The following SLC7A9 variants were observed in gnomAD, a reference collection of about 807,000 sequenced individuals.
SLC7A9 encodes solute carrier family 7 member 9, also known as B(0,+)-type amino acid transporter 1.
SLC7A9 carries 38 observed loss-of-function variants against 54.1 expected under a neutral mutation model. The ratio of observed to expected loss-of-function variants is 0.70; its 90% CI spans 0.54 to 0.92. SLC7A9 has a LOEUF of 0.92. Among genes scored for constraint, SLC7A9 ranks in the 40% least tolerant of loss-of-function variants. The pLI is 0.00. For missense variants in SLC7A9, 537 were observed against 636.1 expected (o/e 0.84, Z 1.68); for synonymous variants, 264 against 258.9 (o/e 1.02, Z -0.19).
intron 9 of SLC7A9, among the ~76,000 whole-genome samples, chr19:32,846,352 G>A (rs1031675069): frequency 6.6e-6 from 1 of 152,094 alleles, no homozygotes; most frequent in African/African-American, 2.4e-5. Context: ...CTTAAAAAAC[G>A]GTGCACCAGG....
Position 32,854,657 on chromosome 19 carries a change from C to T in SLC7A9, c.977+3783G>A, listed in dbSNP as rs141948595. ...AGGCTGGAGTGCACTGGTGCGATCT[C>T]GGCTCACTGCAACCTCTGCTTCCCG... On this transcript the variant is annotated intron_variant, in intron 9 of 12. Transcript: ENST00000023064. Among the ~76,000 whole-genome samples, 369 of 152,184 alleles carry T rather than the reference C, an allele frequency of 2.4e-3. 2 individuals are homozygous for T. The highest frequency in any genetic ancestry group is 8.6e-3 in the African/African-American group (358 of 41,512).
rs534928656 is a variant in SLC7A9 at position 32,864,435 on chromosome 19, G to A, written c.236-97C>T. ...CACCGGAGGCTGCGCTCGTATGGAG[G>A]GGCCCACCGTGGTCCGCCCTCGCTG... On this transcript the variant is annotated intron_variant, in intron 3 of 12. Transcript: ENST00000023064. 67 of 1,576,260 alleles carry A rather than the reference G, an allele frequency of 4.3e-5. No homozygotes were observed. The Admixed American group carries it at 5.8e-4, about 14-fold the overall frequency.
intron 9 of SLC7A9, among the ~76,000 whole-genome samples, chr19:32,847,544 C>A (rs1381264234): frequency 2.0e-5 from 3 of 152,036 alleles, no homozygotes; most frequent in African/African-American, 7.2e-5. Flanking sequence ...TGTGAAAAGA[C>A]CAAATCTACG....
intron 1 of SLC7A9, among the ~76,000 whole-genome samples, chr19:32,869,398 A>G (rs1041198420): frequency 1.3e-5 from 2 of 152,054 alleles, no homozygotes; most frequent in East Asian, 3.8e-4. Flanking sequence ...AATTTTTACA[A>G]TATTTTTTAT....
At chr19:32,847,548 A>G (rs1380113156) in intron 9 of SLC7A9, among the ~76,000 whole-genome samples, 2 of 152,188 alleles carry the variant, frequency 1.3e-5, no homozygotes, top group African/African-American at 4.8e-5. Flanking sequence ...AAAAGACCAA[A>G]TCTACGTCTG....
chr19:32,832,929 G>A (rs1967847972), intron 12 of SLC7A9: 1 of 565,970 alleles, frequency 1.8e-6, no homozygotes, highest in Non-Finnish European at 3.2e-6. Flanking sequence ...AGAAAATGGT[G>A]CTTTCCCTTC....
chr19:32,865,619 C>T (rs936480105), intron 2 of SLC7A9, among the ~76,000 whole-genome samples: 22 of 152,142 alleles, frequency 1.4e-4, no homozygotes, highest in Non-Finnish European at 3.2e-4. Flanking sequence ...GAAAGGGGCA[C>T]GAGGGAGCTT....
intron 2 of SLC7A9, among the ~76,000 whole-genome samples, chr19:32,868,230 C>CAAAAA (rs57317909): frequency 4.5e-5 from 4 of 88,476 alleles, no homozygotes; most frequent in Non-Finnish European, 9.3e-5. Context: ...CACTCCATCT[C>CAAAAA]AAAAAAAAAA....
chr19:32,859,493 A>G (rs1009710336), intron 8 of SLC7A9, among the ~76,000 whole-genome samples: 1 of 152,056 alleles, frequency 6.6e-6, no homozygotes, highest in African/African-American at 2.4e-5. Flanking sequence ...ACTGACCCCA[A>G]TGCCTCTCAC....
rs766067754 is a variant in SLC7A9, at chr19:32,833,341, G to C, written c.1225-18C>G. The stretch of plus-strand genomic sequence containing the variant: ...ACGGGCACCTGGAGACGAAAAACAG[G>C]TCATGGGTACCCATTTTCTTTTTGA... On this transcript the variant is annotated intron_variant, in intron 11 of 12. Transcript: ENST00000023064. The C allele has an allele frequency of 4.3e-6, 7 of 1,613,532 alleles. No individual in the cohort carries two copies. The highest frequency in any genetic ancestry group is 5.9e-6 in the Non-Finnish European group (7 of 1,179,650).
chr19:32,860,808 T>G (rs886079401), intron 6 of SLC7A9, among the ~76,000 whole-genome samples, 158 bp from the exon 7 acceptor site: 3 of 152,212 alleles, frequency 2.0e-5, no homozygotes, highest in African/African-American at 7.2e-5. Flanking sequence ...TGAATGGCCC[T>G]GCTAGTGGTG....
intron 8 of SLC7A9, among the ~76,000 whole-genome samples, chr19:32,858,858 G>T (rs62124985): frequency 1.3e-5 from 2 of 151,170 alleles, no homozygotes; most frequent in African/African-American, 4.9e-5. Flanking sequence ...TTGCTGTCTC[G>T]GCTCACTGCA....
intron 9 of SLC7A9, among the ~76,000 whole-genome samples, chr19:32,846,475 C>T (rs998931877): frequency 5.3e-5 from 8 of 152,206 alleles, no homozygotes; most frequent in Non-Finnish European, 8.8e-5. Context: ...GGGGGAGGGG[C>T]GCCTGCCATT....
intron 3 of SLC7A9, 32 bp downstream of exon 3, chr19:32,864,597 C>T (rs770669747): frequency 3.0e-5 from 49 of 1,610,520 alleles, no homozygotes; most frequent in East Asian, 2.7e-4. Flanking sequence ...TGCATGCTTC[C>T]GGGGCTGCAA....
intron 11 of SLC7A9, among the ~76,000 whole-genome samples, chr19:32,839,727 T>C (rs1045786230): frequency 2.0e-5 from 3 of 152,168 alleles, no homozygotes; most frequent in Non-Finnish European, 4.4e-5. Context: ...GCATGAAGTG[T>C]TGGTGGTGAA....
chr19:32,860,710 C>T, intron 6 of SLC7A9, 60 bp from the exon 7 acceptor site: 1 of 1,604,032 alleles, frequency 6.2e-7, no homozygotes, highest in South Asian at 1.1e-5. Context: ...ATAATGAAAC[C>T]CACAATAATA....
chr19:32,866,944 A>C (rs1968989181), intron 2 of SLC7A9, among the ~76,000 whole-genome samples: 4 of 152,078 alleles, frequency 2.6e-5, no homozygotes, highest in Admixed American at 2.6e-4. Context: ...CTGCGCCTCC[A>C]TGCTCAGCAC....
intron 9 of SLC7A9, among the ~76,000 whole-genome samples, chr19:32,854,170 G>A (rs1304716349): frequency 1.3e-5 from 2 of 152,016 alleles, no homozygotes; most frequent in Non-Finnish European, 2.9e-5. Context: ...GTGCCACCAT[G>A]CCTGGCTAAG....
chr19:32,844,374 G>A (rs1015244338), intron 9 of SLC7A9, among the ~76,000 whole-genome samples: 8 of 152,116 alleles, frequency 5.3e-5, no homozygotes, highest in Admixed American at 1.3e-4. Context: ...ATATTAATGT[G>A]AGCTCTAGCC....
Sources: allele counts gnomAD v4.1 joint callset (sites outside exome capture counted in the v4.1 genomes callset), GRCh38; gene constraint gnomAD v4.1.1; transcripts MANE v1.5; gene names NCBI Gene and HGNC (gene_info 2026-07-23, HGNC 2026-07-21).